The following RNF180 variants were observed in gnomAD, a reference collection of about 807,000 sequenced individuals.
RNF180 encodes the protein E3 ubiquitin-protein ligase RNF180.
A neutral mutation model predicts 59.2 loss-of-function variants in RNF180; 38 were observed. The ratio of observed to expected loss-of-function variants is 0.64; its 90% CI spans 0.50 to 0.84. RNF180 has a LOEUF of 0.84. Among genes scored for constraint, RNF180 ranks in the 40% least tolerant of loss-of-function variants. The pLI, the probability that RNF180 is intolerant of heterozygous loss-of-function variation, is 0.00. For synonymous variants in RNF180, 262 were observed against 240.3 expected (o/e 1.09, Z -0.84); for missense variants, 705 against 700.9 (o/e 1.01, Z -0.07).
chr5:64,233,679 G>A (rs1238787383), intron 5 of RNF180, among the ~76,000 whole-genome samples: 1 of 152,186 alleles, frequency 6.6e-6, no homozygotes, highest in Non-Finnish European at 1.5e-5. Flanking sequence ...TGCCCATGGA[G>A]TAGCCATTGT....
chr5:64,233,403 A>G (rs967094760), intron 5 of RNF180, among the ~76,000 whole-genome samples: 1 of 152,238 alleles, frequency 6.6e-6, no homozygotes, highest in African/African-American at 2.4e-5. Context: ...CAGCCAACAT[A>G]AATAATTTTA....
intron 5 of RNF180, among the ~76,000 whole-genome samples, chr5:64,264,117 T>C (rs1357390823): frequency 6.6e-6 from 1 of 152,174 alleles, no homozygotes; most frequent in Non-Finnish European, 1.5e-5. Context: ...ATTTGATGGA[T>C]TATGAAATCT....
intron 7 of RNF180, among the ~76,000 whole-genome samples, chr5:64,356,847 T>G (rs923834641): frequency 5.9e-5 from 9 of 151,854 alleles, no homozygotes; most frequent in African/African-American, 2.2e-4. Flanking sequence ...GAGTTATTGC[T>G]TAATGGCTAC....
intron 7 of RNF180, among the ~76,000 whole-genome samples, chr5:64,366,880 T>C (rs1312275755): frequency 2.0e-5 from 3 of 151,510 alleles, no homozygotes; most frequent in African/African-American, 7.3e-5. Context: ...TACAGGAAGC[T>C]CAGAAATCCC....
chr5:64,276,318 TGG>T (rs1561233297), intron 5 of RNF180, among the ~76,000 whole-genome samples: 1 of 76,752 alleles, frequency 1.3e-5, no homozygotes, highest in Admixed American at 1.4e-4. Context: ...AAAAATACAT[TGG>T]TGTGTGTGTG....
chr5:64,290,920 T>G (rs963467525), intron 5 of RNF180, among the ~76,000 whole-genome samples: 1 of 152,058 alleles, frequency 6.6e-6, no homozygotes, highest in Non-Finnish European at 1.5e-5. Context: ...ATGTGGTTGC[T>G]TCATAGTGTC....
intron 5 of RNF180, among the ~76,000 whole-genome samples, chr5:64,252,704 T>C (rs1171628408): frequency 2.0e-5 from 3 of 152,046 alleles, no homozygotes; most frequent in Non-Finnish European, 4.4e-5. Flanking sequence ...AAAACTAAAC[T>C]TCCTGTGCCT....
chr5:64,251,687 G>T (rs557301330), intron 5 of RNF180, among the ~76,000 whole-genome samples: 23 of 152,262 alleles, frequency 1.5e-4, no homozygotes, highest in South Asian at 6.2e-4. Flanking sequence ...AGGTGACGTT[G>T]CCTTATACAC....
chr5:64,279,421 G>C (rs1741889994), intron 5 of RNF180, among the ~76,000 whole-genome samples: 1 of 152,180 alleles, frequency 6.6e-6, no homozygotes, highest in Non-Finnish European at 1.5e-5. Context: ...GTAGCATCCA[G>C]AGAGGGGTTT....
intron 7 of RNF180, among the ~76,000 whole-genome samples, chr5:64,353,430 G>T (rs1745893538): frequency 6.6e-6 from 1 of 151,638 alleles, no homozygotes; most frequent in Admixed American, 6.6e-5. Context: ...CTAATTGATT[G>T]CATAAGTGCT....
intron 7 of RNF180, among the ~76,000 whole-genome samples, chr5:64,336,989 TC>T (rs1745150527): frequency 7.3e-6 from 1 of 137,358 alleles, no homozygotes; most frequent in Non-Finnish European, 1.6e-5. Context: ...ACTTTGATTT[TC>T]TTTTTTTGTT....
chr5:64,334,746 T>C (rs72752856), intron 7 of RNF180, among the ~76,000 whole-genome samples: 15,712 of 152,234 alleles, frequency 0.1, 1,101 homozygotes, highest in Non-Finnish European at 0.15. Flanking sequence ...CCACATTCTT[T>C]TTACTACTAC....
intron 7 of RNF180, among the ~76,000 whole-genome samples, chr5:64,338,309 G>A (rs990152821): frequency 5.3e-5 from 8 of 151,924 alleles, no homozygotes; most frequent in Non-Finnish European, 8.8e-5. Context: ...GATTTTGAAC[G>A]GAAAAAGTAA....
chr5:64,323,280 G>C (rs1348280524), intron 5 of RNF180, among the ~76,000 whole-genome samples: 1 of 152,098 alleles, frequency 6.6e-6, no homozygotes, highest in East Asian at 1.9e-4. Context: ...GTGTCTCACA[G>C]CCTGTAATCC....
intron 5 of RNF180, among the ~76,000 whole-genome samples, chr5:64,318,297 C>T (rs1036773037): frequency 1.3e-5 from 2 of 152,100 alleles, no homozygotes; most frequent in Non-Finnish European, 2.9e-5. Context: ...ATACCATACT[C>T]GCCAATCTGA....
intron 5 of RNF180, among the ~76,000 whole-genome samples, chr5:64,258,175 T>G (rs1561222890): frequency 6.6e-6 from 1 of 152,134 alleles, no homozygotes; most frequent in Admixed American, 6.6e-5. Context: ...CACATGTTCT[T>G]GTAACATTGG....
At chr5:64,191,188 C>G (rs1561177323) in intron 1 of RNF180, among the ~76,000 whole-genome samples, 1 of 152,050 alleles carries the variant, frequency 6.6e-6, no homozygotes, top group African/African-American at 2.4e-5. Context: ...ACAGAAAGTT[C>G]CCATTTATTT....
chr5:64,169,554 C>A (rs1749827367), intron 1 of RNF180, among the ~76,000 whole-genome samples: 2 of 152,156 alleles, frequency 1.3e-5, no homozygotes, highest in Admixed American at 1.3e-4. Flanking sequence ...GAATGTGATT[C>A]TTAATCAAAG....
chr5:64,212,181 T>G (rs1236061479), intron 3 of RNF180, 21 bp downstream of exon 3: 1 of 1,339,916 alleles, frequency 7.5e-7, no homozygotes, highest in Non-Finnish European at 1.1e-6. Flanking sequence ...AGTTTCTGAG[T>G]AAAATTAAGA....
Sources: allele counts gnomAD v4.1 joint callset (sites outside exome capture counted in the v4.1 genomes callset), GRCh38; gene constraint gnomAD v4.1.1; transcripts MANE v1.5; gene names NCBI Gene and HGNC (gene_info 2026-07-23, HGNC 2026-07-21).